EFHC2: variants seen among roughly 807,000 people sequenced by gnomAD.
The protein encoded by EFHC2 is EF-hand domain-containing family member C2.
EFHC2 carries 18 observed loss-of-function variants against 52.7 expected under a neutral mutation model. The ratio of observed to expected loss-of-function variants is 0.34; its 90% confidence interval spans 0.24 to 0.51. The LOEUF (loss-of-function observed/expected upper bound fraction) is 0.51. Among genes scored for constraint, EFHC2 ranks in the 20% least tolerant of loss-of-function variants. The probability of loss-of-function intolerance (pLI) is 0.97; values close to 1 mark genes in which losing one functional copy is unlikely to be tolerated. For missense variants in EFHC2, 513 were observed against 562.5 expected (o/e 0.91, Z 0.89); for synonymous variants, 203 against 204.1 (o/e 0.99, Z 0.04).
chrX:44,272,599 T>C, intron 3 of EFHC2, 87 bp downstream of exon 3: 1 of 963,220 alleles, frequency 1.0e-6, no homozygotes, highest in South Asian at 2.4e-5. Context: ...AACAGTAGCA[T>C]GCAGTCTTTT....
At chrX:44,292,016 C>G (rs1041041694) in intron 2 of EFHC2, among the ~76,000 whole-genome samples, 2 of 111,519 alleles carry the variant, frequency 1.8e-5, no homozygotes, top group African/African-American at 6.5e-5. Flanking sequence ...GGGGGTCACC[C>G]TATCCTGCAG....
intron 11 of EFHC2, among the ~76,000 whole-genome samples, chrX:44,188,031 T>G (rs1460070321): frequency 9.5e-6 from 1 of 105,732 alleles, no homozygotes; most frequent in African/African-American, 3.5e-5. Context: ...AGTGGAGTGG[T>G]GCAATCTCAG....
At chrX:44,226,893 T>TA (rs1326969999) in intron 11 of EFHC2, among the ~76,000 whole-genome samples, 2 of 78,114 alleles carry the variant, frequency 2.6e-5, no homozygotes, top group Admixed American at 1.4e-4. Context: ...TAAAGTATAA[T>TA]AAAAAAAAGA....
At chrX:44,183,459 T>C (rs1334509110) in intron 11 of EFHC2, among the ~76,000 whole-genome samples, 2 of 112,058 alleles carry the variant, frequency 1.8e-5, no homozygotes, top group Non-Finnish European at 1.9e-5. Flanking sequence ...TTGTTCATTG[T>C]TGAATCTGCA....
chrX:44,186,556 G>A (rs945599016), intron 11 of EFHC2, among the ~76,000 whole-genome samples: 1 of 111,438 alleles, frequency 9.0e-6, no homozygotes, highest in East Asian at 2.8e-4. Context: ...TTGGCTTTTT[G>A]TTTTTAACTG....
intron 1 of EFHC2, among the ~76,000 whole-genome samples, chrX:44,329,705 C>A (rs2038074255): frequency 9.2e-6 from 1 of 109,157 alleles, no homozygotes; most frequent in Non-Finnish European, 1.9e-5. Flanking sequence ...CAGGCTCAAG[C>A]CATCCTCCCA....
intron 2 of EFHC2, among the ~76,000 whole-genome samples, chrX:44,295,701 G>A (rs968176194): frequency 9.0e-6 from 1 of 111,077 alleles, no homozygotes; most frequent in African/African-American, 3.3e-5. Flanking sequence ...ATGAAAGGGA[G>A]ATTTCAGAGG....
At chrX:44,237,201 C>T (rs767531646) in intron 8 of EFHC2, among the ~76,000 whole-genome samples, 1 of 111,618 alleles carries the variant, frequency 9.0e-6, no homozygotes, top group East Asian at 2.8e-4. Flanking sequence ...AGTTAGCTCA[C>T]ATCTCCAGAA....
chrX:44,215,438 G>A (rs2037136921), intron 11 of EFHC2, among the ~76,000 whole-genome samples: 1 of 106,597 alleles, frequency 9.4e-6, no homozygotes, highest in Non-Finnish European at 1.9e-5. Context: ...ACAAAAAAAT[G>A]ATAGTTTCTT....
intron 2 of EFHC2, among the ~76,000 whole-genome samples, chrX:44,287,099 A>T (rs1475776000): frequency 1.0e-5 from 1 of 100,139 alleles, no homozygotes; most frequent in Non-Finnish European, 2.0e-5. Flanking sequence ...TCACGCCTGT[A>T]ATCCCAGCAC....
intron 1 of EFHC2, among the ~76,000 whole-genome samples, chrX:44,338,208 C>A (rs2038127900): frequency 9.0e-6 from 1 of 111,538 alleles, no homozygotes; most frequent in Non-Finnish European, 1.9e-5. Flanking sequence ...TAAAAATATA[C>A]ATTAAGAAAG....
chrX:44,167,602 A>G lies in EFHC2; in HGVS notation c.2043-3575T>C, dbSNP rs5906735. Among the ~76,000 whole-genome samples, 140 of 112,417 alleles carry G rather than the reference A, an allele frequency of 1.2e-3. 1 individual carries two copies. Among genetic ancestry groups the G allele is most frequent in the Non-Finnish European group, 2.2e-3 (119 of 53,289 alleles). ...ATAAAAGTATACATAGCTCAGAAAT[A>G]ATGTCTAAAAGTTTTTTGAGAAAAA... is the stretch of plus-strand genomic sequence containing the variant. On this transcript the variant is annotated intron_variant, in intron 13 of 14. Transcript: ENST00000420999.
intron 11 of EFHC2, among the ~76,000 whole-genome samples, chrX:44,213,722 T>C (rs950695064): frequency 3.1e-4 from 35 of 111,734 alleles, no homozygotes; most frequent in African/African-American, 1.1e-3. Flanking sequence ...TCAGAGAGAA[T>C]AGATTGTACA....
In EFHC2 at chrX:44,150,078, T is replaced by C. The variant is rs574702712; in HGVS notation, c.2149-1182A>G. Among the ~76,000 whole-genome samples, 6 of 112,225 alleles carry C rather than the reference T, an allele frequency of 5.3e-5. No homozygotes were observed. In the South Asian group the frequency reaches 2.2e-3, roughly 42 times the overall value. On this transcript the variant is annotated intron_variant, in intron 14 of 14. Transcript: ENST00000420999. ...CAACAGGAGGCAAAGTTCATACATA[T>C]GGTTGCTTATATTTCTACTTTCAAG... is the stretch of plus-strand genomic sequence containing the variant.
intron 11 of EFHC2, among the ~76,000 whole-genome samples, chrX:44,223,194 G>A: frequency 8.9e-6 from 1 of 112,562 alleles, no homozygotes. Context: ...TTAAGACTGT[G>A]CCTCAGAAGG....
intron 14 of EFHC2, among the ~76,000 whole-genome samples, chrX:44,161,077 C>A (rs910920649): frequency 8.9e-6 from 1 of 111,785 alleles, no homozygotes; most frequent in Non-Finnish European, 1.9e-5. Flanking sequence ...TATTTTCATA[C>A]AATACATGAG....
chrX:44,245,576 C>T (rs958874581), intron 7 of EFHC2, among the ~76,000 whole-genome samples: 4 of 111,873 alleles, frequency 3.6e-5, no homozygotes, highest in Admixed American at 1.9e-4. Flanking sequence ...CAAGCCAGGG[C>T]CAGCAGGATG....
chrX:44,322,596 G>C (rs1107787), intron 1 of EFHC2, among the ~76,000 whole-genome samples: 1,506 of 112,163 alleles, frequency 0.013, 34 homozygotes, highest in East Asian at 0.087. Flanking sequence ...TGCTGGAGCA[G>C]TCACTTTACT....
At chrX:44,235,651 C>T (rs781243786) in intron 8 of EFHC2, among the ~76,000 whole-genome samples, 15 of 112,666 alleles carry the variant, frequency 1.3e-4, no homozygotes, top group Non-Finnish European at 2.4e-4. Flanking sequence ...ATCTCTGATT[C>T]TTTACATGTC....
Sources: allele counts gnomAD v4.1 joint callset (sites outside exome capture counted in the v4.1 genomes callset), GRCh38; gene constraint gnomAD v4.1.1; transcripts MANE v1.5; gene names NCBI Gene and HGNC (gene_info 2026-07-23, HGNC 2026-07-21).